Variants in RAD18 observed in about 807,000 individuals in gnomAD.
The protein encoded by RAD18 is E3 ubiquitin-protein ligase RAD18.
RAD18 carries 47 observed loss-of-function variants against 60.4 expected under a neutral mutation model. That is an observed-to-expected ratio of 0.78 (90% confidence interval 0.62 to 0.99). The LOEUF (loss-of-function observed/expected upper bound fraction) is 0.99. RAD18 is among the 50% of genes least tolerant of loss of function. The pLI is 0.00. For synonymous variants in RAD18, 225 were observed against 195.5 expected, an observed-to-expected ratio of 1.15 and a Z score of -1.26; for missense variants, 640 against 593.3, an observed-to-expected ratio of 1.08 and a Z score of -0.82.
intron 7 of RAD18, among the ~76,000 whole-genome samples, chr3:8,929,258 A>T (rs1192612430): frequency 6.6e-6 from 1 of 152,160 alleles, no homozygotes; most frequent in Non-Finnish European, 1.5e-5. Flanking sequence ...AGGAAAACAG[A>T]CAAAAACTGA....
At chr3:8,898,230 T>TA (rs1206522676) in intron 11 of RAD18, among the ~76,000 whole-genome samples, 1 of 152,116 alleles carries the variant, frequency 6.6e-6, no homozygotes, top group African/African-American at 2.4e-5. Flanking sequence ...CTGTACTCAT[T>TA]AAAAAATAAC....
intron 9 of RAD18, among the ~76,000 whole-genome samples, chr3:8,907,803 C>A (rs1434323206): frequency 6.6e-6 from 1 of 152,058 alleles, no homozygotes; most frequent in Admixed American, 6.5e-5. Context: ...GTTTGTGCAA[C>A]CTCAATTTTC....
Position 8,939,752 on chromosome 3 carries a change from C to T in RAD18, c.605-99G>A, listed in dbSNP as rs1940715862. 5 of 980,984 alleles carry T rather than the reference C, an allele frequency of 5.1e-6. No individual in the cohort carries two copies. In the Admixed American group the frequency reaches 7.4e-5, roughly 14 times the overall value. The allele number at this position is 980,984 out of a possible 1,614,324, so 60.8% of individuals were successfully genotyped here. A position where few individuals can be genotyped will look rare whatever the true frequency, so the allele number is the denominator to read the frequency against. ...TTCAGCAAGTAAAGTAAAAAAGAAT[C>T]CCAACTTAACATGCACTTAGAAAAG... On this transcript the variant is annotated intron_variant, in intron 5 of 12. Transcript: ENST00000264926.
intron 2 of RAD18, among the ~76,000 whole-genome samples, chr3:8,952,856 T>C: frequency 6.6e-6 from 1 of 152,198 alleles, no homozygotes; most frequent in East Asian, 1.9e-4. Flanking sequence ...GTCCAGACTC[T>C]TAATATATTA....
At chr3:8,915,100 G>C (rs961630202) in intron 7 of RAD18, among the ~76,000 whole-genome samples, 2 of 145,234 alleles carry the variant, frequency 1.4e-5, no homozygotes, top group South Asian at 2.2e-4. Context: ...AGTGAACTGA[G>C]ATGGCACCAC....
chr3:8,941,920 A>G, intron 4 of RAD18, 116 bp from the exon 5 acceptor site: 1 of 972,856 alleles, frequency 1.0e-6, no homozygotes, highest in Non-Finnish European at 1.5e-6. Context: ...GACCTATACT[A>G]TAATGACAAC....
At chr3:8,935,128 AT>A (rs1271147180) in intron 7 of RAD18, among the ~76,000 whole-genome samples, 2 of 152,218 alleles carry the variant, frequency 1.3e-5, no homozygotes, top group African/African-American at 2.4e-5. Flanking sequence ...CTACAATGAC[AT>A]TTCACTTTAT....
At chr3:8,952,782 G>T (rs1213893128) in intron 2 of RAD18, among the ~76,000 whole-genome samples, 1 of 152,180 alleles carries the variant, frequency 6.6e-6, no homozygotes, top group Non-Finnish European at 1.5e-5. Context: ...GAAAAATGAA[G>T]CACAGGGCTC....
At chr3:8,943,710 G>A (rs1177140593) in intron 4 of RAD18, among the ~76,000 whole-genome samples, 1 of 151,164 alleles carries the variant, frequency 6.6e-6, no homozygotes, top group Non-Finnish European at 1.5e-5. Flanking sequence ...CGCAACAACA[G>A]AAAAATAACT....
At chr3:8,957,128 T>C (rs1055839754) in intron 2 of RAD18, among the ~76,000 whole-genome samples, 1 of 152,226 alleles carries the variant, frequency 6.6e-6, no homozygotes, top group Non-Finnish European at 1.5e-5. Context: ...ATATAAGTTA[T>C]ATTTCTTTGT....
intron 12 of RAD18, among the ~76,000 whole-genome samples, chr3:8,883,253 C>T (rs529992270): frequency 2.0e-5 from 3 of 152,214 alleles, no homozygotes; most frequent in South Asian, 2.1e-4. Flanking sequence ...TTTCTAAAAA[C>T]GTTGAAACAC....
intron 1 of RAD18, among the ~76,000 whole-genome samples, chr3:8,962,921 T>TG (rs1276729805): frequency 1.3e-5 from 2 of 152,210 alleles, no homozygotes; most frequent in Non-Finnish European, 2.9e-5. Flanking sequence ...GGAGACTACC[T>TG]GCTTGGCTAC....
chr3:8,925,898 C>G (rs1453762074), intron 7 of RAD18, among the ~76,000 whole-genome samples: 3 of 152,132 alleles, frequency 2.0e-5, no homozygotes, highest in Non-Finnish European at 4.4e-5. Flanking sequence ...ATTAGGTATT[C>G]ATGGGACGTA....
intron 12 of RAD18, among the ~76,000 whole-genome samples, chr3:8,888,300 T>C (rs1304287724): frequency 6.6e-6 from 1 of 152,200 alleles, no homozygotes; most frequent in Non-Finnish European, 1.5e-5. Flanking sequence ...CATAAAAGAA[T>C]ACAAAATGTA....
At chr3:8,907,725 C>T (rs1364369928) in intron 9 of RAD18, among the ~76,000 whole-genome samples, 1 of 152,162 alleles carries the variant, frequency 6.6e-6, no homozygotes, top group Non-Finnish European at 1.5e-5. Context: ...CGCATCATCC[C>T]CTTTCCAACT....
Position 8,963,406 on chromosome 3 carries a change from G to A in RAD18, c.-21C>T, listed in dbSNP as rs774181612. On this transcript the variant is annotated 5_prime_UTR_variant, in exon 1 of 13. Coordinates refer to ENST00000264926, the MANE Select transcript of RAD18 (RefSeq NM_020165.4). Reference sequence around the variant, plus strand: ...TCCATGGTCGCTCCCGAGGATGCTGGGGGTCAGCCACCCACTAGCCTCCGG... The same window carrying A: ...TCCATGGTCGCTCCCGAGGATGCTGAGGGTCAGCCACCCACTAGCCTCCGG... 5.7e-6 allele frequency: 9 copies of A among 1,575,992 alleles called. No individual in the cohort carries two copies. The highest frequency in any genetic ancestry group is 5.5e-5 in the African/African-American group (4 of 72,982).
Position 8,960,951 on chromosome 3 carries a change from G to A in RAD18, c.52-1950C>T, listed in dbSNP as rs751132869. ...TAAATTTTTGTTAAAGTAAAACCAG[G>A]GAAATAATAAAATGCCAAAATCTTC... On this transcript the variant is annotated intron_variant, in intron 1 of 12. Transcript: ENST00000264926. Among the ~76,000 whole-genome samples, 10 of 152,092 alleles carry A rather than the reference G, an allele frequency of 6.6e-5. No individual in the cohort carries two copies. In the East Asian group the frequency reaches 1.2e-3, roughly 18 times the overall value.
rs140344625 is a variant in RAD18 at position 8,881,418 on chromosome 3, C to T, written c.1427G>A (p.Arg476His). The change falls in exon 13 of 13, where the codon CGC becomes CAC. Residue 476 changes from arginine to histidine, a missense_variant. Coordinates refer to ENST00000264926, the MANE Select transcript of RAD18 (RefSeq NM_020165.4). ...AGCACTTTCAGCGGCTCTTGTGCGG[C>T]GATTCTGTCTTGGACTTATTTCTGT... The part of the protein sequence containing the change: ...QDTEISPRQN[R>H]RTRAAESAEI... 747 of 1,612,938 alleles carry T rather than the reference C, an allele frequency of 4.6e-4. 1 individual carries two copies. The highest frequency in any genetic ancestry group is 4.9e-4 in the Non-Finnish European group (576 of 1,179,092).
At chr3:8,902,274 TCAAA>T in intron 10 of RAD18, 102 bp downstream of exon 10, 1 of 1,086,486 alleles carries the variant, frequency 9.2e-7, no homozygotes, top group Non-Finnish European at 1.2e-6. Flanking sequence ...TTTTCTCATT[TCAAA>T]GAACTAAGAA....
Sources: allele counts gnomAD v4.1 joint callset (sites outside exome capture counted in the v4.1 genomes callset), GRCh38; gene constraint gnomAD v4.1.1; transcripts MANE v1.5; gene names NCBI Gene and HGNC (gene_info 2026-07-23, HGNC 2026-07-21).